The following CSMD1 variants were observed in gnomAD, a reference collection of about 807,000 sequenced individuals.
The protein encoded by CSMD1 is CUB and Sushi multiple domains 1, also known as CUB and sushi domain-containing protein 1.
In CSMD1, 213 loss-of-function variants were observed where a neutral mutation model predicts 417.5. The observed-to-expected ratio is 0.51, with a 90% CI of 0.46 to 0.57. The LOEUF is 0.57. Among genes scored for constraint, CSMD1 ranks in the 20% least tolerant of loss-of-function variants. CSMD1 has a pLI of 0.00. For missense variants in CSMD1, 6,923 were observed against 4,529.7 expected, an observed-to-expected ratio of 1.53 and a Z score of -15.17; for synonymous variants, 2,862 against 1,736.8, an observed-to-expected ratio of 1.65 and a Z score of -16.11.
At chr8:3,502,364 C>CAAAAAAA (rs371588108) in intron 10 of CSMD1, among the ~76,000 whole-genome samples, 5 of 109,164 alleles carry the variant, frequency 4.6e-5, no homozygotes, top group Non-Finnish European at 7.2e-5. Context: ...GACTTCATCT[C>CAAAAAAA]AAAAAAAAAA....
chr8:2,983,801 T>C lies in CSMD1; in HGVS notation c.8378-5001A>G, dbSNP rs1328504658. Among the ~76,000 whole-genome samples the C allele has an allele frequency of 5.3e-5, 8 of 152,310 alleles. No homozygotes were observed. In the East Asian group the frequency reaches 1.2e-3, roughly 22 times the overall value. On this transcript the variant is annotated intron_variant, in intron 54 of 69. Coordinates refer to ENST00000635120, the MANE Select transcript of CSMD1 (RefSeq NM_033225.6). ...CTGCCTGGGGCCAAATTTGTTCTTA[T>C]GTGTGTTGATTTTGAAAGGCAAACC... is the stretch of plus-strand genomic sequence containing the variant.
intron 10 of CSMD1, among the ~76,000 whole-genome samples, chr8:3,558,049 ACTC>A (rs1308453092): frequency 1.3e-5 from 2 of 148,442 alleles, no homozygotes; most frequent in Non-Finnish European, 3.0e-5. Flanking sequence ...ACCCGTGTCC[ACTC>A]CTCTGATGAT....
intron 57 of CSMD1, among the ~76,000 whole-genome samples, chr8:2,967,740 C>G (rs968764808): frequency 3.9e-5 from 6 of 152,164 alleles, no homozygotes; most frequent in East Asian, 1.9e-4. Context: ...AATTTCAAAT[C>G]TGGCCTGGAG....
At position 3,873,383 on chromosome 8, in the gene CSMD1, AT is replaced by A. The variant is rs775302116; in HGVS notation, c.819-119342del. ...TAATACTATCAAGACATAAAAAAAAATGAGATCATGTCCTTGGCAGGCACAT... is the reference window on the plus strand; with the variant it reads ...TAATACTATCAAGACATAAAAAAAAAGAGATCATGTCCTTGGCAGGCACAT... On this transcript the variant is annotated intron_variant, in intron 5 of 69. Transcript: ENST00000635120. Among the ~76,000 whole-genome samples the A allele has an allele frequency of 5.9e-5, 9 of 152,228 alleles. No individual in the cohort carries two copies. In the South Asian group the frequency reaches 1.9e-3, roughly 32 times the overall value.
chr8:3,367,385 A>T, intron 19 of CSMD1, 138 bp from the exon 20 acceptor site: 1 of 629,032 alleles, frequency 1.6e-6, no homozygotes, highest in Non-Finnish European at 2.8e-6. Context: ...TAAGAGGGGA[A>T]GACAGATTGC....
chr8:4,053,002 G>A (rs1307150261), intron 3 of CSMD1, among the ~76,000 whole-genome samples: 2 of 152,102 alleles, frequency 1.3e-5, no homozygotes, highest in Non-Finnish European at 2.9e-5. Flanking sequence ...CTAAAGAAGT[G>A]GCCTTATACT....
At position 4,430,496 on chromosome 8, in the gene CSMD1, T is replaced by G. The variant is rs112009631; in HGVS notation, c.303-10431A>C. Reference sequence around the variant, plus strand: ...AGACATGGTATATCATAATTTGCACTAAACAAAAATTTCCTCCTAAGAAAT... The same window carrying G: ...AGACATGGTATATCATAATTTGCACGAAACAAAAATTTCCTCCTAAGAAAT... On this transcript the variant is annotated intron_variant, in intron 2 of 69. Coordinates refer to ENST00000635120, the MANE Select transcript of CSMD1 (RefSeq NM_033225.6). 6.3e-3 allele frequency among the ~76,000 whole-genome samples: 964 copies of G among 152,196 alleles called. 8 individuals are homozygous for G. The highest frequency in any genetic ancestry group is 0.022 in the African/African-American group (919 of 41,552).
At chr8:4,108,382 A>T (rs1801679558) in intron 3 of CSMD1, among the ~76,000 whole-genome samples, 1 of 152,190 alleles carries the variant, frequency 6.6e-6, no homozygotes, top group South Asian at 2.1e-4. Flanking sequence ...CTGTATCAAG[A>T]ACTACTCTCG....
At chr8:4,517,611 GC>G (rs575072965) in intron 2 of CSMD1, among the ~76,000 whole-genome samples, 92 of 152,172 alleles carry the variant, frequency 6.0e-4, no homozygotes, top group African/African-American at 2.2e-3. Flanking sequence ...TATTTAACAT[GC>G]ACGAGCCTTT....
intron 12 of CSMD1, among the ~76,000 whole-genome samples, chr8:3,442,124 T>C (rs1462484506): frequency 2.0e-5 from 3 of 152,006 alleles, no homozygotes; most frequent in African/African-American, 4.8e-5. Context: ...AAGAAGACTA[T>C]AAAAATATTT....
At chr8:3,753,108 T>G (rs2720858) in intron 6 of CSMD1, among the ~76,000 whole-genome samples, 49,209 of 152,092 alleles carry the variant, frequency 0.32, 8,481 homozygotes, top group South Asian at 0.43. Context: ...TGGTGTCCTC[T>G]CTGGCACATG....
chr8:3,516,679 G>A (rs1288706132), intron 10 of CSMD1, among the ~76,000 whole-genome samples: 1 of 152,006 alleles, frequency 6.6e-6, no homozygotes, highest in Admixed American at 6.6e-5. Flanking sequence ...GGTACAGGTG[G>A]TATTTGGTTA....
chr8:3,816,247 C>T (rs17744835), intron 5 of CSMD1, among the ~76,000 whole-genome samples: 8,388 of 152,212 alleles, frequency 0.055, 299 homozygotes, highest in Middle Eastern at 0.12. Context: ...ATCCTGGTTA[C>T]GGTGCATTCA....
At chr8:4,038,756 G>C (rs1163451862) in intron 3 of CSMD1, among the ~76,000 whole-genome samples, 2 of 152,150 alleles carry the variant, frequency 1.3e-5, no homozygotes, top group African/African-American at 2.4e-5. Context: ...CAGACATTTG[G>C]TAACGTGAAA....
At chr8:2,992,743 G>A (rs545216710) in intron 54 of CSMD1, among the ~76,000 whole-genome samples, 1 of 151,326 alleles carries the variant, frequency 6.6e-6, no homozygotes, top group South Asian at 2.1e-4. Flanking sequence ...CTAGTTTTAT[G>A]CCATCTGATT....
intron 5 of CSMD1, among the ~76,000 whole-genome samples, chr8:3,849,893 G>A (rs1404924659): frequency 1.3e-5 from 2 of 152,074 alleles, no homozygotes; most frequent in Admixed American, 6.5e-5. Flanking sequence ...TCAGCTTCCT[G>A]CAACCTCCAC....
chr8:3,636,627 C>A (rs1441712342), intron 7 of CSMD1, among the ~76,000 whole-genome samples: 1 of 152,118 alleles, frequency 6.6e-6, no homozygotes, highest in Non-Finnish European at 1.5e-5. Context: ...TTTCTCCCAC[C>A]CTACAAAACA....
Position 4,091,079 on chromosome 8 carries a change from C to T in CSMD1, c.416-58980G>A, listed in dbSNP as rs554181350. Among the ~76,000 whole-genome samples the T allele has an allele frequency of 4.6e-5, 7 of 151,910 alleles. No homozygotes were observed. The East Asian group carries it at 1.2e-3, about 25-fold the overall frequency. On this transcript the variant is annotated intron_variant, in intron 3 of 69. Transcript: ENST00000635120. ...GTCTACAGGCACCCACCACAATGCC[C>T]AGCTAATTTTTGTAATTTTAGTAGA... is the stretch of plus-strand genomic sequence containing the variant.
chr8:4,230,807 C>T (rs1344367824), intron 3 of CSMD1, among the ~76,000 whole-genome samples: 1 of 152,090 alleles, frequency 6.6e-6, no homozygotes. Context: ...CATACTTCAG[C>T]AGCTTTTGCA....
Sources: allele counts gnomAD v4.1 joint callset (sites outside exome capture counted in the v4.1 genomes callset), GRCh38; gene constraint gnomAD v4.1.1; transcripts MANE v1.5; gene names NCBI Gene and HGNC (gene_info 2026-07-23, HGNC 2026-07-21).